The following ODF2 variants were observed in gnomAD, a reference collection of about 807,000 sequenced individuals.
ODF2 encodes the protein outer dense fiber protein 2.
Under a neutral mutation model 110.2 loss-of-function variants are expected in ODF2, and 47 were observed. The observed-to-expected ratio is 0.43, with a 90% CI of 0.34 to 0.54. The LOEUF (loss-of-function observed/expected upper bound fraction) is 0.54, where lower values mean the gene tolerates loss of function less well. ODF2 is among the 20% of genes least tolerant of loss of function. The pLI, the probability that ODF2 is intolerant of heterozygous loss-of-function variation, is 0.03. For synonymous variants in ODF2, 352 were observed against 397.7 expected (o/e 0.89, Z 1.37); for missense variants, 812 against 1,054.5 (o/e 0.77, Z 3.19).
At chr9:128,476,220 CTTG>C (rs1841227085) in intron 8 of ODF2, among the ~76,000 whole-genome samples, 1 of 152,090 alleles carries the variant, frequency 6.6e-6, no homozygotes, top group Admixed American at 6.6e-5. Flanking sequence ...TTGTCTCCTG[CTTG>C]GTTCTAAGCA....
rs561362669 is a variant in ODF2 at position 128,498,298 on chromosome 9, T to C, written c.2013-115T>C. The C allele has an allele frequency of 1.4e-5, 20 of 1,387,030 alleles. 1 individual carries two copies. In the South Asian group the frequency reaches 3.2e-4, roughly 22 times the overall value. 85.9% of individuals were successfully genotyped at this position (1,387,030 alleles called of 1,614,324 possible). A position where few individuals can be genotyped will look rare whatever the true frequency, so the allele number is the denominator to read the frequency against. On this transcript the variant is annotated intron_variant, in intron 18 of 20. Transcript: ENST00000604420. The stretch of plus-strand genomic sequence containing the variant: ...TCTTTGGCTTATTCCTGTGGCTCCT[T>C]GGAGATTCTTGGCATGATGAGATCC...
chr9:128,459,814 A>G (rs1018651323), intron 3 of ODF2, among the ~76,000 whole-genome samples, 157 bp downstream of exon 2: 1 of 151,914 alleles, frequency 6.6e-6, no homozygotes, highest in Non-Finnish European at 1.5e-5. Flanking sequence ...TTTAATTATG[A>G]TCATCATTTT....
chr9:128,457,907 G>T (rs1162438623), intron 2 of ODF2, among the ~76,000 whole-genome samples: 1 of 149,048 alleles, frequency 6.7e-6, no homozygotes, highest in East Asian at 2.0e-4. Context: ...GTATTCCTTG[G>T]CTAAAGGATC....
intron 8 of ODF2, among the ~76,000 whole-genome samples, chr9:128,474,958 TTGTC>T (rs1398436973): frequency 6.6e-6 from 1 of 151,876 alleles, no homozygotes; most frequent in African/African-American, 2.4e-5. Context: ...GAGCAAGACT[TTGTC>T]TGAAAAAAAA....
rs571318718 is a variant in ODF2, at chr9:128,471,765, A to G, written c.581+297A>G. Reference sequence around the variant, plus strand: ...CCTGCAGGATGGTTAAGCATTCGGCAGGTGGGTGCTAGGGAAGAAAGCACG... The same window carrying G: ...CCTGCAGGATGGTTAAGCATTCGGCGGGTGGGTGCTAGGGAAGAAAGCACG... On this transcript the variant is annotated intron_variant, in intron 6 of 20. Transcript: ENST00000604420. Among the ~76,000 whole-genome samples the G allele has an allele frequency of 2.6e-5, 4 of 152,272 alleles. No homozygotes were observed. In the East Asian group the frequency reaches 5.8e-4, roughly 22 times the overall value.
intron 17 of ODF2, among the ~76,000 whole-genome samples, 187 bp from the exon 18 acceptor site, chr9:128,495,854 T>C (rs1421205028): frequency 3.3e-5 from 5 of 152,078 alleles, no homozygotes; most frequent in Non-Finnish European, 7.4e-5. Context: ...GGGGAGAGCC[T>C]TTTGTCTTTG....
At chr9:128,466,980 TAAAAAAAAAAAAAAAAAAA>T (rs398046919) in intron 4 of ODF2, among the ~76,000 whole-genome samples, 4 of 19,788 alleles carry the variant, frequency 2.0e-4, no homozygotes, top group African/African-American at 5.5e-4. Flanking sequence ...CCATCTCAAT[TAAAAAAAAAAAAAAAAAAA>T]AAAAAAAAAA....
At chr9:128,463,446 C>A (rs146350072) in intron 4 of ODF2, among the ~76,000 whole-genome samples, 136 of 152,302 alleles carry the variant, frequency 8.9e-4, no homozygotes, top group African/African-American at 3.2e-3. Flanking sequence ...CGACGAGACC[C>A]TGCCTCTACA....
intron 3 of ODF2, chr9:128,460,194 G>A (rs12337596): frequency 2.6e-5 from 34 of 1,304,562 alleles, no homozygotes; most frequent in East Asian, 5.3e-5. Flanking sequence ...CCTGCTTTCC[G>A]CTGTGCTTCA....
At chr9:128,460,585 C>G (rs778630853) in intron 3 of ODF2, 4 of 1,613,944 alleles carry the variant, frequency 2.5e-6, no homozygotes, top group African/African-American at 1.3e-5. Flanking sequence ...CAACTCCCCC[C>G]TTACATGTTC....
chr9:128,456,761 G>GGGGGGGTCCCGCC, intron 1 of ODF2: 1 of 965,384 alleles, frequency 1.0e-6, no homozygotes, highest in Non-Finnish European at 1.2e-6. Flanking sequence ...CGCCCGGCGG[G>GGGGGGGTCCCGCC]GGGGGGTCCC....
At chr9:128,477,513 A>G (rs1272531720) in intron 8 of ODF2, among the ~76,000 whole-genome samples, 1 of 151,958 alleles carries the variant, frequency 6.6e-6, no homozygotes, top group African/African-American at 2.4e-5. Flanking sequence ...TGTGTCACTC[A>G]CTCAGGCTGA....
At chr9:128,495,941 CTG>C in intron 17 of ODF2, 98 bp from the exon 18 acceptor site, 1 of 1,407,756 alleles carries the variant, frequency 7.1e-7, no homozygotes, top group Non-Finnish European at 9.8e-7. Context: ...GCTGAGGGCA[CTG>C]TGCCCCTTTC....
At chr9:128,455,260 G>A (rs777489228), upstream of ODF2, 93 of 1,533,132 alleles carry the variant, frequency 6.1e-5, 1 homozygote, top group South Asian at 6.1e-4. Flanking sequence ...GAGAGTGCAG[G>A]AGGGTAGTAG....
In ODF2 at chr9:128,494,231, T is replaced by G. The variant is rs1338763478; in HGVS notation, c.1753-279T>G. On this transcript the variant is annotated intron_variant, in intron 16 of 20. Coordinates refer to ENST00000604420, the Ensembl canonical transcript of ODF2. This position sits in a 1 kb window ranked among gnomAD's most constrained non-coding sequence, Gnocchi z 4.6. ...TATTTTACAGGTTGTCTGAATTAAA[T>G]GAGCAAGTGTGCAGAGAGCCCCTGG... Among the ~76,000 whole-genome samples, 1 of 152,244 alleles carries G rather than the reference T, an allele frequency of 6.6e-6. No individual in the cohort carries two copies. Among genetic ancestry groups the G allele is most frequent in the East Asian group, 1.9e-4 (1 of 5,204 alleles).
chr9:128,495,579 C>T (rs529285109), intron 17 of ODF2, among the ~76,000 whole-genome samples: 1 of 152,238 alleles, frequency 6.6e-6, no homozygotes, highest in Non-Finnish European at 1.5e-5. Context: ...GGTAAATTCT[C>T]AAACTTGCCA....
In ODF2 at chr9:128,472,987, C is replaced by CTGCG; in HGVS notation, c.657_660dup (p.Ala221CysfsTer45). 6.2e-7 allele frequency: 1 copy of CTGCG among 1,614,114 alleles called. No individual in the cohort carries two copies. Among genetic ancestry groups the CTGCG allele is most frequent in the South Asian group, 1.1e-5 (1 of 91,084 alleles). Reference sequence around the variant, plus strand: ...CTGGTGGAGGCGGAAATGGATGGGGCTGCGGCTGCCAAGCAGGTCATGGCC... The same window carrying CTGCG: ...CTGGTGGAGGCGGAAATGGATGGGGCTGCGTGCGGCTGCCAAGCAGGTCATGGCC... On this transcript the variant is annotated frameshift_variant, in exon 7 of 21. Transcript: ENST00000604420. LOFTEE classifies it high-confidence loss of function.
intron 18 of ODF2, chr9:128,497,446 A>AATATATATATATATAT (rs71381765): frequency 4.7e-5 from 2 of 42,576 alleles, no homozygotes; most frequent in African/African-American, 3.0e-4. Context: ...AAAAAAAAAA[A>AATATATATATATATAT]ATATATATAT....
intron 4 of ODF2, 81 bp from the exon 5 acceptor site, chr9:128,469,102 A>C (rs1330534064): frequency 1.5e-6 from 2 of 1,379,182 alleles, no homozygotes. Flanking sequence ...CCGTCTAATC[A>C]GTAAATAAGC....
Sources: allele counts gnomAD v4.1 joint callset (sites outside exome capture counted in the v4.1 genomes callset), GRCh38; gene constraint gnomAD v4.1.1; non-coding constraint Gnocchi (gnomAD v3.1); transcripts MANE v1.5; gene names NCBI Gene and HGNC (gene_info 2026-07-23, HGNC 2026-07-21).